Variants in CDH22 observed in about 807,000 individuals in gnomAD.
The protein encoded by CDH22 is cadherin 22, also known as cadherin-22.
Under a neutral mutation model 58.4 loss-of-function variants are expected in CDH22, and 30 were observed. The observed-to-expected ratio is 0.51, with a 90% CI of 0.38 to 0.70. The LOEUF (loss-of-function observed/expected upper bound fraction) is 0.70, where lower values mean the gene tolerates loss of function less well. CDH22 is among the 30% of genes least tolerant of loss of function. CDH22 has a pLI of 0.00. For missense variants in CDH22, 1,014 were observed against 1,233.9 expected (o/e 0.82, Z 2.67); for synonymous variants, 513 against 558.2 (o/e 0.92, Z 1.14).
At chr20:46,193,956 C>T (rs371331879) in intron 8 of CDH22, among the ~76,000 whole-genome samples, 2 of 152,140 alleles carry the variant, frequency 1.3e-5, no homozygotes, top group African/African-American at 4.8e-5. Context: ...GAGTTGGACA[C>T]AAGCCTGGGT....
Position 46,251,637 on chromosome 20 carries a change from C to T in CDH22, c.-343G>A, listed in dbSNP as rs1332694746. Reference sequence around the variant, plus strand: ...CCATGGTTCCTGCGCAGAAAGGATGCGGGTTGGGGCCGGCAGATCCTGCCA... The same window carrying T: ...CCATGGTTCCTGCGCAGAAAGGATGTGGGTTGGGGCCGGCAGATCCTGCCA... On this transcript the variant is annotated 5_prime_UTR_variant, in exon 2 of 12. Coordinates refer to ENST00000537909, the MANE Select transcript of CDH22 (RefSeq NM_021248.3). The surrounding 1 kb of genome is among the most constrained non-coding windows in gnomAD (Gnocchi z 6.7). 2 of 194,164 alleles carry T rather than the reference C, an allele frequency of 1.0e-5. No homozygotes were observed. Among genetic ancestry groups the T allele is most frequent in the Non-Finnish European group, 2.1e-5 (2 of 96,452 alleles). The allele number at this position is 194,164 out of a possible 1,614,324, so 12.0% of individuals were successfully genotyped here. A position where few individuals can be genotyped will look rare whatever the true frequency, so the allele number is the denominator to read the frequency against.
intron 1 of CDH22, among the ~76,000 whole-genome samples, chr20:46,307,491 T>A (rs1287257642): frequency 3.9e-5 from 6 of 152,140 alleles, no homozygotes; most frequent in Admixed American, 1.3e-4. Context: ...GGGGGCCCCG[T>A]CCTTCTTCCC....
intron 4 of CDH22, among the ~76,000 whole-genome samples, chr20:46,223,817 T>C (rs13041680): frequency 2.2e-4 from 31 of 138,170 alleles, no homozygotes; most frequent in African/African-American, 5.3e-4. Context: ...TTTCTTCCTT[T>C]CTTCCTTCCT....
At chr20:46,222,749 C>T (rs2086135950) in intron 4 of CDH22, among the ~76,000 whole-genome samples, 1 of 152,240 alleles carries the variant, frequency 6.6e-6, no homozygotes, top group Non-Finnish European at 1.5e-5. Context: ...ATCCCTGTCG[C>T]CCCTGTGGGG....
At chr20:46,259,067 T>C (rs938188052) in intron 1 of CDH22, among the ~76,000 whole-genome samples, 4 of 152,216 alleles carry the variant, frequency 2.6e-5, no homozygotes, top group African/African-American at 9.6e-5. Context: ...GTCCCTGTTC[T>C]TAAGGCAGTC....
intron 1 of CDH22, among the ~76,000 whole-genome samples, chr20:46,304,226 A>T (rs1006504722): frequency 6.6e-6 from 1 of 152,192 alleles, no homozygotes; most frequent in African/African-American, 2.4e-5. Context: ...GATCATGTGC[A>T]AAACCAAACA....
chr20:46,246,073 G>A (rs1452045731), intron 2 of CDH22, among the ~76,000 whole-genome samples: 1 of 152,186 alleles, frequency 6.6e-6, no homozygotes, highest in African/African-American at 2.4e-5. Flanking sequence ...ATCCCAGGGG[G>A]CTGAAAAATG....
At chr20:46,227,474 A>AC in intron 4 of CDH22, 34 bp downstream of exon 4, 2 of 437,664 alleles carry the variant, frequency 4.6e-6, no homozygotes, top group Non-Finnish European at 7.4e-6. Context: ...GCCCCGCCCC[A>AC]CGGCTCCGCC....
intron 10 of CDH22, among the ~76,000 whole-genome samples, chr20:46,179,613 T>A (rs2145645914): frequency 6.6e-6 from 1 of 152,328 alleles, no homozygotes; most frequent in East Asian, 1.9e-4. Flanking sequence ...TACACACATT[T>A]GAGAATTTCC....
chr20:46,229,863 C>T (rs1242698365), intron 3 of CDH22, among the ~76,000 whole-genome samples: 1 of 152,104 alleles, frequency 6.6e-6, no homozygotes, highest in Non-Finnish European at 1.5e-5. Flanking sequence ...CCTCCCACTC[C>T]CTGGGCAAAG....
At chr20:46,264,871 C>CACACACACACACCGTGT (rs2086450885) in intron 1 of CDH22, among the ~76,000 whole-genome samples, 5 of 149,248 alleles carry the variant, frequency 3.4e-5, no homozygotes, top group Non-Finnish European at 7.5e-5. Flanking sequence ...ACACACCGTG[C>CACACACACACACCGTGT]GCACACACAC....
chr20:46,234,124 A>G (rs1246811414), intron 3 of CDH22, among the ~76,000 whole-genome samples: 4 of 152,170 alleles, frequency 2.6e-5, no homozygotes, highest in African/African-American at 9.7e-5. Flanking sequence ...TCCCAGTTTT[A>G]CTTTCCTTCC....
At chr20:46,278,105 T>A (rs1223907127) in intron 1 of CDH22, among the ~76,000 whole-genome samples, 1 of 151,338 alleles carries the variant, frequency 6.6e-6, no homozygotes, top group South Asian at 2.1e-4. Flanking sequence ...GAAAGGGTGA[T>A]CAAGGGGTGG....
intron 1 of CDH22, among the ~76,000 whole-genome samples, chr20:46,277,529 C>T (rs933486625): frequency 4.6e-5 from 7 of 151,818 alleles, no homozygotes; most frequent in South Asian, 2.1e-4. Context: ...AACTAATAAA[C>T]GTTGTTAACC....
At chr20:46,276,400 A>G (rs537173590) in intron 1 of CDH22, among the ~76,000 whole-genome samples, 1 of 152,272 alleles carries the variant, frequency 6.6e-6, no homozygotes, top group Admixed American at 6.5e-5. Flanking sequence ...TGGATAGGAG[A>G]CTGTTTAGCT....
chr20:46,194,461 C>G (rs1033812386), intron 8 of CDH22, among the ~76,000 whole-genome samples: 1 of 152,226 alleles, frequency 6.6e-6, no homozygotes, highest in East Asian at 1.9e-4. Flanking sequence ...CATGGGGGAA[C>G]TCCCTTCCTT....
At chr20:46,215,689 G>C (rs907701901) in intron 5 of CDH22, among the ~76,000 whole-genome samples, 1 of 152,250 alleles carries the variant, frequency 6.6e-6, no homozygotes, top group Admixed American at 6.5e-5. Flanking sequence ...AAAGGAAGGA[G>C]GAAAGGAATG....
chr20:46,186,976 G>A (rs368454500), intron 8 of CDH22, 29 bp from the exon 9 acceptor site: 105 of 1,540,932 alleles, frequency 6.8e-5, no homozygotes, highest in Non-Finnish European at 8.8e-5. Context: ...AGCAAGGGGA[G>A]AGGCATCAAG....
At chr20:46,285,115 G>C (rs1035542820) in intron 1 of CDH22, among the ~76,000 whole-genome samples, 2 of 152,200 alleles carry the variant, frequency 1.3e-5, no homozygotes, top group Admixed American at 1.3e-4. Context: ...CCCATGTTTA[G>C]CTGCATTCTG....
Sources: allele counts gnomAD v4.1 joint callset (sites outside exome capture counted in the v4.1 genomes callset), GRCh38; gene constraint gnomAD v4.1.1; non-coding constraint Gnocchi (gnomAD v3.1); transcripts MANE v1.5; gene names NCBI Gene and HGNC (gene_info 2026-07-23, HGNC 2026-07-21).